Variants in RMDN1 observed in about 807,000 individuals in gnomAD.
The protein encoded by RMDN1 is regulator of microtubule dynamics protein 1.
Under a neutral mutation model 48.9 loss-of-function variants are expected in RMDN1, and 48 were observed. That is an observed-to-expected ratio of 0.98 (90% CI 0.78 to 1.25). The LOEUF (loss-of-function observed/expected upper bound fraction) is 1.25, where lower values mean the gene tolerates loss of function less well. Among genes scored for constraint, RMDN1 ranks in the 50% most tolerant of loss-of-function variants. The probability of loss-of-function intolerance (pLI) is 0.00; values close to 1 mark genes in which losing one functional copy is unlikely to be tolerated. For missense variants in RMDN1, 418 were observed against 373.4 expected, an observed-to-expected ratio of 1.12 and a Z score of -0.98; for synonymous variants, 148 against 132.6, an observed-to-expected ratio of 1.12 and a Z score of -0.80.
intron 2 of RMDN1, among the ~76,000 whole-genome samples, chr8:86,497,723 AG>A (rs952123006): frequency 1.4e-4 from 21 of 151,432 alleles, no homozygotes; most frequent in Admixed American, 6.6e-5. Flanking sequence ...AAAGAAAGAA[AG>A]AAAAAAAAAG....
chr8:86,469,441 G>GTAAC (rs1812369237), downstream of RMDN1, among the ~76,000 whole-genome samples: 1 of 147,484 alleles, frequency 6.8e-6, no homozygotes, highest in African/African-American at 2.7e-5. Flanking sequence ...GAAAACTCTT[G>GTAAC]TAACTGTATG....
In RMDN1 at chr8:86,478,862, A is replaced by G. The variant is rs191287432; in HGVS notation, c.729+61T>C. On this transcript the variant is annotated intron_variant, in intron 7 of 9. Coordinates refer to ENST00000406452, the MANE Select transcript of RMDN1 (RefSeq NM_016033.3). ...ATCAGAGCTCCACATGTGTGAACAC[A>G]TGGTAGAATGGCGCTGTGGTTAAGA... The G allele has an allele frequency of 2.6e-5, 34 of 1,305,350 alleles. No homozygotes were observed. The East Asian group carries it at 6.9e-4, about 27-fold the overall frequency. 80.9% of individuals were successfully genotyped at this position (1,305,350 alleles called of 1,614,324 possible). A position where few individuals can be genotyped will look rare whatever the true frequency, so the allele number is the denominator to read the frequency against.
intron 9 of RMDN1, 111 bp downstream of exon 9, chr8:86,474,709 G>T: frequency 2.0e-6 from 2 of 1,014,508 alleles, no homozygotes; most frequent in Non-Finnish European, 1.6e-6. Flanking sequence ...GAACACACTT[G>T]TTTTCAACAA....
intron 2 of RMDN1, 134 bp downstream of exon 2, chr8:86,506,861 T>C: frequency 1.7e-6 from 1 of 573,918 alleles, no homozygotes; most frequent in South Asian, 2.5e-5. Flanking sequence ...CATTTCTCAC[T>C]GAGCAGATTG....
intron 7 of RMDN1, 45 bp from the exon 8 acceptor site, chr8:86,477,369 G>A: frequency 6.8e-7 from 1 of 1,474,012 alleles, no homozygotes; most frequent in Non-Finnish European, 9.3e-7. Context: ...AAAGATTAAA[G>A]AAGACAATAT....
rs1490468367 is a variant in RMDN1 at position 86,473,199 on chromosome 8, T to G, written c.*1109A>C. The G allele has an allele frequency of 8.1e-6, 8 of 982,474 alleles. No homozygotes were observed. The highest frequency in any genetic ancestry group is 9.6e-6 in the Non-Finnish European group (8 of 829,848). 60.9% of individuals were successfully genotyped at this position (982,474 alleles called of 1,614,324 possible). Reference sequence around the variant, plus strand: ...TGACAAACATATCCATACAGTTCATTGTAACATTACAATTCCCAAATCCTT... The same window carrying G: ...TGACAAACATATCCATACAGTTCATGGTAACATTACAATTCCCAAATCCTT... On this transcript the variant is annotated 3_prime_UTR_variant, in exon 10 of 10. Coordinates refer to ENST00000406452, the MANE Select transcript of RMDN1 (RefSeq NM_016033.3).
upstream of RMDN1, chr8:86,508,911 T>G (rs1819882354): frequency 1.6e-6 from 1 of 631,022 alleles, no homozygotes; most frequent in African/African-American, 1.9e-5. Context: ...CTGCTCCATC[T>G]CTCTAGGGGG....
At chr8:86,478,741 AAAG>A (rs1178345259) in intron 7 of RMDN1, 179 bp downstream of exon 7, 1 of 583,204 alleles carries the variant, frequency 1.7e-6, no homozygotes, top group East Asian at 3.0e-5. Context: ...TAACGGGGAA[AAAG>A]AAAACCACTC....
intron 9 of RMDN1, 184 bp downstream of exon 9, chr8:86,474,636 G>C (rs1438415022): frequency 1.3e-6 from 1 of 745,784 alleles, no homozygotes; most frequent in South Asian, 1.5e-5. Context: ...CATCCACCTG[G>C]TGATAGTAAC....
intron 2 of RMDN1, among the ~76,000 whole-genome samples, chr8:86,489,283 G>C (rs1278832019): frequency 1.3e-5 from 2 of 152,140 alleles, no homozygotes; most frequent in South Asian, 2.1e-4. Flanking sequence ...CTGACACTAT[G>C]CTCTGACTGA....
chr8:86,484,484 G>A (rs1001439114), intron 5 of RMDN1, among the ~76,000 whole-genome samples: 3 of 152,048 alleles, frequency 2.0e-5, no homozygotes, highest in South Asian at 2.1e-4. Flanking sequence ...TTGAAAGGCC[G>A]AGGCAGGTGG....
chr8:86,480,507 A>T (rs904344362), intron 5 of RMDN1, among the ~76,000 whole-genome samples, 175 bp from the exon 6 acceptor site: 3 of 152,086 alleles, frequency 2.0e-5, no homozygotes, highest in African/African-American at 7.2e-5. Flanking sequence ...ATTTCAAAAC[A>T]CTATTAATGA....
intron 8 of RMDN1, among the ~76,000 whole-genome samples, chr8:86,475,575 A>G (rs2130480718): frequency 6.6e-6 from 1 of 152,326 alleles, no homozygotes; most frequent in African/African-American, 2.4e-5. Context: ...AAACCAAAAA[A>G]AAAAGTGGAG....
At position 86,472,490 on chromosome 8, in the gene RMDN1, A is replaced by G. The variant is rs1458940189; in HGVS notation, c.*1818T>C. 1.4e-6 allele frequency: 1 copy of G among 702,528 alleles called. No individual in the cohort carries two copies. Among genetic ancestry groups the G allele is most frequent in the African/African-American group, 1.7e-5 (1 of 57,394 alleles). 43.5% of individuals were successfully genotyped at this position (702,528 alleles called of 1,614,324 possible). A position where few individuals can be genotyped will look rare whatever the true frequency, so the allele number is the denominator to read the frequency against. ...TCTGTTTCTCTTCACCTACAAAAAT[A>G]AAATTACAGTATACAATAACCTTTT... On this transcript the variant is annotated 3_prime_UTR_variant, in exon 10 of 10. Transcript: ENST00000406452.
At position 86,473,442 on chromosome 8, in the gene RMDN1, A is replaced by G. The variant is rs1364207599; in HGVS notation, c.*866T>C. On this transcript the variant is annotated 3_prime_UTR_variant, in exon 10 of 10. Transcript: ENST00000406452. ...GAATAGAACTTTGCATCTGATGACA[A>G]ATTCAGTTTACCATGAGACTACACC... is the stretch of plus-strand genomic sequence containing the variant. The G allele has an allele frequency of 3.0e-6, 3 of 985,272 alleles. No homozygotes were observed. The African/African-American group carries it at 5.2e-5, about 17-fold the overall frequency. The allele number at this position is 985,272 out of a possible 1,614,324, so 61.0% of individuals were successfully genotyped here.
intron 1 of RMDN1, 102 bp from the exon 2 acceptor site, chr8:86,507,214 C>T (rs188951217): frequency 2.9e-6 from 2 of 685,482 alleles, no homozygotes; most frequent in East Asian, 2.5e-5. Flanking sequence ...CCAAAGCAAT[C>T]GATCATAATA....
chr8:86,486,564 T>C lies in RMDN1; in HGVS notation c.415A>G (p.Lys139Glu). The stretch of plus-strand genomic sequence containing the variant: ...AGGGCTTCATACACCAATAGCTTTT[T>C]CTCCTCTTCTGAGGTTCTGCTAAGC... Reference protein sequence around the residue: ...AQLSRTSEEEKKLLVYEALEY... With the variant: ...AQLSRTSEEEEKLLVYEALEY... Residue 139 changes from lysine to glutamate, a missense_variant, in exon 4 of 10, where the codon AAA (lysine) becomes GAA (glutamate). Transcript: ENST00000406452. 1 of 1,612,944 alleles carries C rather than the reference T, an allele frequency of 6.2e-7. No homozygotes were observed.
intron 4 of RMDN1, 73 bp from the exon 5 acceptor site, chr8:86,485,034 T>C: frequency 3.8e-6 from 3 of 785,468 alleles, no homozygotes; most frequent in Non-Finnish European, 4.1e-6. Context: ...AACTGTATAA[T>C]ATTCTTCAAT....
At chr8:86,483,280 C>A (rs187063588) in intron 5 of RMDN1, among the ~76,000 whole-genome samples, 48 of 152,110 alleles carry the variant, frequency 3.2e-4, no homozygotes, top group African/African-American at 9.9e-4. Context: ...ATAACCTTCA[C>A]TGTTTTTTAA....
Sources: gnomAD v4.1 joint callset for allele counts (sites outside exome capture counted in the v4.1 genomes callset) on GRCh38, gnomAD v4.1.1 for gene constraint, MANE v1.5 for transcripts, NCBI Gene and HGNC (gene_info 2026-07-23, HGNC 2026-07-21) for gene names.